HS1BP3: variants seen among roughly 807,000 people sequenced by gnomAD.
HS1BP3 encodes the protein HCLS1-binding protein 3.
HS1BP3 carries 32 observed loss-of-function variants against 33.5 expected under a neutral mutation model. The ratio of observed to expected loss-of-function variants is 0.95; its 90% CI spans 0.72 to 1.28. The LOEUF (loss-of-function observed/expected upper bound fraction) is 1.28, where lower values mean the gene tolerates loss of function less well. HS1BP3 is among the 50% of genes most tolerant of loss of function. The probability of loss-of-function intolerance (pLI) is 0.00; values close to 1 mark genes in which losing one functional copy is unlikely to be tolerated. For missense variants in HS1BP3, 486 were observed against 502.3 expected (o/e 0.97, Z 0.31); for synonymous variants, 187 against 209.2 (o/e 0.89, Z 0.92).
Position 20,572,647 on chromosome 2 carries a change from A to G in HS1BP3, c.303-12132T>C, listed in dbSNP as rs567930930. On this transcript the variant is annotated intron_variant, in intron 5 of 5. Coordinates refer to the HS1BP3 transcript ENST00000446825. ...TAAGGATTAAGTTACACAATGAAGA[A>G]AAGTACCTCGAACATGGAAGGTCTT... Among the ~76,000 whole-genome samples the G allele has an allele frequency of 5.9e-5, 9 of 152,336 alleles. No homozygotes were observed. In the East Asian group the frequency reaches 1.2e-3, roughly 20 times the overall value.
intron 2 of HS1BP3, among the ~76,000 whole-genome samples, chr2:20,603,376 A>T (rs191367767): frequency 6.6e-6 from 1 of 152,372 alleles, no homozygotes; most frequent in African/African-American, 2.4e-5. Flanking sequence ...AAAGCTATGC[A>T]AAGAATTGTT....
chr2:20,601,770 C>CTTTTTTTT lies in HS1BP3; in HGVS notation c.179-3513_179-3506dup, dbSNP rs35644786. On this transcript the variant is annotated intron_variant, in intron 2 of 3. Coordinates refer to the HS1BP3 transcript ENST00000415264. Reference sequence around the variant, plus strand: ...ATCACCCAGTTTTCAAGTGTGTCTTCTTTTTTTTTTTTTTTTTTTTTTTTT... The same window carrying CTTTTTTTT: ...ATCACCCAGTTTTCAAGTGTGTCTTCTTTTTTTTTTTTTTTTTTTTTTTTTTTTTTTTT... 3.6e-4 allele frequency among the ~76,000 whole-genome samples: 25 copies of CTTTTTTTT among 69,148 alleles called. 3 individuals are homozygous for CTTTTTTTT. Among genetic ancestry groups the CTTTTTTTT allele is most frequent in the Admixed American group, 7.5e-4 (3 of 4,002 alleles). The allele number at this position is 69,148 out of a possible 152,430, so 45.4% of individuals were successfully genotyped here.
chr2:20,570,452 C>T (rs1487614631), intron 5 of HS1BP3, among the ~76,000 whole-genome samples: 2 of 152,174 alleles, frequency 1.3e-5, no homozygotes, highest in Non-Finnish European at 2.9e-5. Context: ...TCCTGCTGAT[C>T]ATGTCTTTCC....
rs1694313806 is a variant in HS1BP3 at position 20,611,288 on chromosome 2, T to C, written c.178+12608A>G. ...ACATTCGTGTCTAAGTCTTTGTGTG[T>C]GTGGCTTCTTTTCGAAGGAAGGGGG... On this transcript the variant is annotated intron_variant, in intron 2 of 3. Transcript: ENST00000415264. This position sits in a 1 kb window ranked among gnomAD's most constrained non-coding sequence, Gnocchi z 4.9. Among the ~76,000 whole-genome samples, 1 of 152,168 alleles carries C rather than the reference T, an allele frequency of 6.6e-6. No homozygotes were observed. Among genetic ancestry groups the C allele is most frequent in the Admixed American group, 6.5e-5 (1 of 15,284 alleles).
At chr2:20,592,458 C>T (rs55674491), downstream of HS1BP3, 1,128 of 167,420 alleles carry the variant, frequency 6.7e-3, 7 homozygotes, top group Non-Finnish European at 0.01. Context: ...AGCTCTGTCC[C>T]TGCCCGGCTC....
chr2:20,608,772 C>T (rs1694254975), intron 2 of HS1BP3, among the ~76,000 whole-genome samples: 1 of 152,148 alleles, frequency 6.6e-6, no homozygotes, highest in Admixed American at 6.5e-5. Flanking sequence ...GCCTTTGCCA[C>T]ACTCACATCC....
At chr2:20,604,167 G>T (rs1694125621) in intron 2 of HS1BP3, among the ~76,000 whole-genome samples, 1 of 152,216 alleles carries the variant, frequency 6.6e-6, no homozygotes, top group Non-Finnish European at 1.5e-5. Flanking sequence ...CTCAGGGGAG[G>T]TTCTGGAAGG....
intron 2 of HS1BP3, among the ~76,000 whole-genome samples, chr2:20,643,222 C>T (rs1370247966): frequency 6.6e-6 from 1 of 152,136 alleles, no homozygotes; most frequent in Non-Finnish European, 1.5e-5. Flanking sequence ...GCGTCACTGC[C>T]TAGGAAAAAG....
intron 2 of HS1BP3, among the ~76,000 whole-genome samples, chr2:20,599,067 C>T (rs1037476133): frequency 6.6e-6 from 1 of 152,236 alleles, no homozygotes; most frequent in African/African-American, 2.4e-5. Flanking sequence ...AGCCCACAAC[C>T]TCAGCACCGC....
intron 5 of HS1BP3, among the ~76,000 whole-genome samples, chr2:20,575,398 A>T (rs1354042277): frequency 6.6e-6 from 1 of 152,228 alleles, no homozygotes; most frequent in Non-Finnish European, 1.5e-5. Context: ...TCAACCCATC[A>T]GCTGACTCTG....
intron 4 of HS1BP3, among the ~76,000 whole-genome samples, chr2:20,629,435 G>C (rs1694902443): frequency 6.6e-6 from 1 of 152,224 alleles, no homozygotes; most frequent in Non-Finnish European, 1.5e-5. Context: ...CACTGACATG[G>C]AGGAAGGGTG....
At chr2:20,583,232 G>T (rs560210772) in intron 5 of HS1BP3, among the ~76,000 whole-genome samples, 39 of 152,320 alleles carry the variant, frequency 2.6e-4, no homozygotes, top group Non-Finnish European at 4.6e-4. Flanking sequence ...TTCACCTTCC[G>T]ATGCCATCCA....
chr2:20,573,727 A>G (rs1434570364), intron 5 of HS1BP3, among the ~76,000 whole-genome samples: 2 of 152,238 alleles, frequency 1.3e-5, no homozygotes, highest in African/African-American at 4.8e-5. Flanking sequence ...TCTGCAAGGA[A>G]CAAAAACAAG....
At chr2:20,628,855 G>A (rs1477816537) in intron 4 of HS1BP3, among the ~76,000 whole-genome samples, 2 of 152,076 alleles carry the variant, frequency 1.3e-5, no homozygotes, top group African/African-American at 4.8e-5. Flanking sequence ...GCGTGACTAG[G>A]ACATAACTGG....
chr2:20,614,440 T>G (rs2149287374), downstream of HS1BP3, among the ~76,000 whole-genome samples: 2 of 152,322 alleles, frequency 1.3e-5, no homozygotes, highest in Middle Eastern at 3.4e-3. Context: ...GAGGGCCGCA[T>G]GGAGGAGGCA....
At chr2:20,599,922 C>T (rs1332204160) in intron 2 of HS1BP3, among the ~76,000 whole-genome samples, 1 of 152,174 alleles carries the variant, frequency 6.6e-6, no homozygotes, top group African/African-American at 2.4e-5. Flanking sequence ...AAGTCACAGG[C>T]AGCCTGTCTG....
chr2:20,639,850 C>T (rs1022353118), intron 3 of HS1BP3, among the ~76,000 whole-genome samples: 8 of 152,188 alleles, frequency 5.3e-5, no homozygotes, highest in Non-Finnish European at 7.3e-5. Flanking sequence ...AACCTCTTGG[C>T]ACAGTCTACC....
chr2:20,610,806 T>C (rs60283906), intron 2 of HS1BP3, among the ~76,000 whole-genome samples: 1,959 of 152,358 alleles, frequency 0.013, 37 homozygotes, highest in African/African-American at 0.043. Flanking sequence ...TTTCCACAGG[T>C]ATATTGAGAT....
rs976192471 is a variant in HS1BP3 at position 20,611,286 on chromosome 2, T to C, written c.178+12610A>G. Among the ~76,000 whole-genome samples the C allele has an allele frequency of 1.3e-5, 2 of 152,178 alleles. No homozygotes were observed. The highest frequency in any genetic ancestry group is 2.9e-5 in the Non-Finnish European group (2 of 68,042). On this transcript the variant is annotated intron_variant, in intron 2 of 3. Transcript: ENST00000415264. The surrounding 1 kb of genome is among the most constrained non-coding windows in gnomAD (Gnocchi z 4.9). ...GAACATTCGTGTCTAAGTCTTTGTGTGTGTGGCTTCTTTTCGAAGGAAGGG... is the reference window on the plus strand; with the variant it reads ...GAACATTCGTGTCTAAGTCTTTGTGCGTGTGGCTTCTTTTCGAAGGAAGGG...
Sources: allele counts gnomAD v4.1 joint callset (sites outside exome capture counted in the v4.1 genomes callset), GRCh38; gene constraint gnomAD v4.1.1; non-coding constraint Gnocchi (gnomAD v3.1); transcripts MANE v1.5; gene names NCBI Gene and HGNC (gene_info 2026-07-23, HGNC 2026-07-21).